Variants in PSMD1 observed in about 807,000 individuals in gnomAD.
PSMD1 encodes the protein proteasome 26S subunit, non-ATPase 1.
Under a neutral mutation model 119.0 loss-of-function variants are expected in PSMD1, and 18 were observed. The observed-to-expected ratio is 0.15, with a 90% CI of 0.10 to 0.22. The LOEUF is 0.22. Ranked by LOEUF, PSMD1 falls within the 10% of genes least tolerant of loss-of-function variation. The pLI, the probability that PSMD1 is intolerant of heterozygous loss-of-function variation, is 1.00. For synonymous variants in PSMD1, 374 were observed against 396.6 expected (o/e 0.94, Z 0.68); for missense variants, 702 against 1,158.5 (o/e 0.61, Z 5.72).
At chr2:231,171,705 C>T (rs576998606) in intron 24 of PSMD1, among the ~76,000 whole-genome samples, 3 of 151,980 alleles carry the variant, frequency 2.0e-5, no homozygotes, top group Admixed American at 6.6e-5. Context: ...TACAGGCATG[C>T]GCCACCACAC....
At chr2:231,077,959 T>C (rs1377124914) in intron 9 of PSMD1, among the ~76,000 whole-genome samples, 2 of 152,184 alleles carry the variant, frequency 1.3e-5, no homozygotes. Context: ...CTTTGTAATA[T>C]AGTCTCATTA....
rs1272346849 is a variant in PSMD1 at position 231,102,712 on chromosome 2, G to A, written c.1883+15531G>A. Among the ~76,000 whole-genome samples the A allele has an allele frequency of 5.9e-5, 9 of 151,906 alleles. No individual in the cohort carries two copies. The East Asian group carries it at 1.7e-3, about 29-fold the overall frequency. ...GTCTTGCTGTCTCAGTGGTGGAAGA[G>A]GTGGAGGAGGTAGAAGGGGAGGCAG... On this transcript the variant is annotated intron_variant, in intron 16 of 24. Coordinates refer to ENST00000308696, the MANE Select transcript of PSMD1 (RefSeq NM_002807.4).
chr2:231,115,877 ACT>A (rs1298174983), intron 16 of PSMD1, among the ~76,000 whole-genome samples: 5 of 152,054 alleles, frequency 3.3e-5, no homozygotes, highest in Non-Finnish European at 7.4e-5. Flanking sequence ...ACTGTATCAG[ACT>A]CTGCAGTTAA....
At chr2:231,118,579 G>C (rs972125644) in intron 16 of PSMD1, among the ~76,000 whole-genome samples, 10 of 152,066 alleles carry the variant, frequency 6.6e-5, no homozygotes, top group Non-Finnish European at 1.3e-4. Flanking sequence ...GTTGGTTTGG[G>C]TATTTTTTTG....
intron 18 of PSMD1, 62 bp downstream of exon 18, chr2:231,146,418 C>A (rs941228988): frequency 7.6e-7 from 1 of 1,317,280 alleles, no homozygotes; most frequent in Non-Finnish European, 1.1e-6. Flanking sequence ...AGTAACTTAT[C>A]GTCTTTTGAG....
chr2:231,101,355 C>G (rs1434500081), intron 16 of PSMD1, among the ~76,000 whole-genome samples: 1 of 152,188 alleles, frequency 6.6e-6, no homozygotes, highest in Non-Finnish European at 1.5e-5. Flanking sequence ...TCCCGGCCTT[C>G]CAGAAAGGTT....
chr2:231,163,835 T>A, intron 21 of PSMD1, 108 bp downstream of exon 21: 1 of 770,952 alleles, frequency 1.3e-6, no homozygotes, highest in Non-Finnish European at 2.0e-6. Context: ...ACACTTCTTA[T>A]GCTAACATTT....
intron 16 of PSMD1, among the ~76,000 whole-genome samples, chr2:231,089,623 A>G (rs2125180425): frequency 6.6e-6 from 1 of 151,904 alleles, no homozygotes; most frequent in African/African-American, 2.4e-5. Context: ...ATGGGAGTTT[A>G]TTAAGTATTA....
chr2:231,087,004 T>C (rs1372548617), intron 15 of PSMD1, 113 bp from the exon 16 acceptor site: 9 of 713,186 alleles, frequency 1.3e-5, no homozygotes, highest in African/African-American at 1.1e-4. Flanking sequence ...TGTTTTGATA[T>C]ACCTATCAGT....
chr2:231,065,800 G>A (rs1346376974), intron 4 of PSMD1, among the ~76,000 whole-genome samples: 1 of 152,180 alleles, frequency 6.6e-6, no homozygotes, highest in East Asian at 1.9e-4. Flanking sequence ...AAATATGGAA[G>A]CTAAATTGGG....
intron 16 of PSMD1, among the ~76,000 whole-genome samples, chr2:231,094,574 A>G (rs1014534262): frequency 6.6e-6 from 1 of 152,222 alleles, no homozygotes; most frequent in African/African-American, 2.4e-5. Flanking sequence ...TTCCAGTGCC[A>G]GTATTAAGGC....
chr2:231,153,738 A>G, intron 19 of PSMD1, 72 bp downstream of exon 19: 1 of 1,070,458 alleles, frequency 9.3e-7, no homozygotes, highest in Middle Eastern at 2.2e-4. Context: ...TGCTCTAACT[A>G]TATGACATAA....
chr2:231,080,957 A>G (rs1694294884), intron 12 of PSMD1, among the ~76,000 whole-genome samples: 1 of 152,180 alleles, frequency 6.6e-6, no homozygotes, highest in Non-Finnish European at 1.5e-5. Context: ...AGCCTGGCCA[A>G]CATGGTGAAA....
intron 16 of PSMD1, among the ~76,000 whole-genome samples, chr2:231,112,503 T>G (rs1043501791): frequency 5.3e-5 from 8 of 152,230 alleles, no homozygotes; most frequent in Admixed American, 2.0e-4. Context: ...ATTTCAGGAA[T>G]ATGAAGGTCA....
At chr2:231,167,567 T>TACAC (rs71396666) in intron 23 of PSMD1, among the ~76,000 whole-genome samples, 54 of 151,500 alleles carry the variant, frequency 3.6e-4, no homozygotes, top group Non-Finnish European at 6.2e-4. Flanking sequence ...GGTATAGCCC[T>TACAC]ACACACACAC....
At position 231,153,673 on chromosome 2, in the gene PSMD1, GTTTTTAAGTC is replaced by G. The variant is rs1559251883; in HGVS notation, c.2218+10_2218+19del. ...CAGGGCATACTGGATGCAGGTAAAT[GTTTTTAAGTC>G]TTCAAGATTTATTTATTTAAACTAA... On this transcript the variant is annotated splice_region_variant and intron_variant, in intron 19 of 24. Transcript: ENST00000308696. 1.3e-6 allele frequency: 2 copies of G among 1,556,926 alleles called. No homozygotes were observed. Among genetic ancestry groups the G allele is most frequent in the Middle Eastern group, 1.7e-4 (1 of 5,934 alleles).
At chr2:231,159,136 T>G (rs1406288374) in intron 19 of PSMD1, among the ~76,000 whole-genome samples, 7 of 152,144 alleles carry the variant, frequency 4.6e-5, no homozygotes, top group African/African-American at 1.4e-4. Context: ...AAGAGAAATG[T>G]AAGCAACAGG....
intron 16 of PSMD1, among the ~76,000 whole-genome samples, chr2:231,110,335 T>C (rs1695116163): frequency 6.6e-6 from 1 of 152,122 alleles, no homozygotes; most frequent in Non-Finnish European, 1.5e-5. Flanking sequence ...AAAAGTTCTT[T>C]TATGACCTGG....
At chr2:231,119,367 T>C (rs749025303) in intron 16 of PSMD1, among the ~76,000 whole-genome samples, 27 of 152,172 alleles carry the variant, frequency 1.8e-4, no homozygotes, top group Admixed American at 5.2e-4. Context: ...TATAAGATGC[T>C]GGGCCCTGCT....
Sources: gnomAD v4.1 joint callset for allele counts (sites outside exome capture counted in the v4.1 genomes callset) on GRCh38, gnomAD v4.1.1 for gene constraint, MANE v1.5 for transcripts, NCBI Gene and HGNC (gene_info 2026-07-23, HGNC 2026-07-21) for gene names.